The following FAM135A variants were observed in gnomAD, a reference collection of about 807,000 sequenced individuals.
FAM135A encodes protein FAM135A.
A neutral mutation model predicts 146.8 loss-of-function variants in FAM135A; 79 were observed. The ratio of observed to expected loss-of-function variants is 0.54; its 90% CI spans 0.45 to 0.65. The LOEUF (loss-of-function observed/expected upper bound fraction) is 0.65. Among genes scored for constraint, FAM135A ranks in the 30% least tolerant of loss-of-function variants. FAM135A has a pLI of 0.00. For synonymous variants in FAM135A, 562 were observed against 603.6 expected, an observed-to-expected ratio of 0.93 and a Z score of 1.01; for missense variants, 1,623 against 1,758.2, an observed-to-expected ratio of 0.92 and a Z score of 1.38.
chr6:70,415,145 C>T (rs941502993), intron 1 of FAM135A, 146 bp from the exon 2 acceptor site: 2 of 152,068 alleles, frequency 1.3e-5, no homozygotes, highest in African/African-American at 4.8e-5. Flanking sequence ...ACTTTCTAAA[C>T]GGTTTTGTAA....
chr6:70,451,837 A>G (rs1204535062), intron 4 of FAM135A, among the ~76,000 whole-genome samples: 1 of 152,098 alleles, frequency 6.6e-6, no homozygotes, highest in African/African-American at 2.4e-5. Flanking sequence ...AGGTGTATGT[A>G]TCCTCCATTA....
chr6:70,453,335 T>C (rs1045567777), intron 5 of FAM135A, among the ~76,000 whole-genome samples: 6 of 152,170 alleles, frequency 3.9e-5, no homozygotes, highest in Non-Finnish European at 7.4e-5. Context: ...AAAAACTTGT[T>C]GGGTATTTGA....
chr6:70,463,303 G>A (rs1779771859), intron 5 of FAM135A, among the ~76,000 whole-genome samples: 1 of 151,764 alleles, frequency 6.6e-6, no homozygotes, highest in South Asian at 2.1e-4. Flanking sequence ...AGGCTGGAGT[G>A]CAGTGGTGTG....
At position 70,526,423 on chromosome 6, in the gene FAM135A, T is replaced by C. The variant is rs958432580; in HGVS notation, c.3339T>C (p.Asn1113=). 4 of 1,613,548 alleles carry C rather than the reference T, an allele frequency of 2.5e-6. No homozygotes were observed. Among genetic ancestry groups the C allele is most frequent in the East Asian group, 2.2e-5 (1 of 44,846 alleles). The change falls in exon 15 of 22, where the codon AAT becomes AAC. Residue 1113 remains asparagine (N), a synonymous_variant. Coordinates refer to ENST00000418814, the MANE Select transcript of FAM135A (RefSeq NM_001162529.3). Reference sequence around the variant, plus strand: ...ATTCAGCTTTGGATGGAACAATAAATGCTCACTATACAAGCAGAGATGAAC... The same window carrying C: ...ATTCAGCTTTGGATGGAACAATAAACGCTCACTATACAAGCAGAGATGAAC... ...TDYSALDGTI[N]AHYTSRDELM...
At chr6:70,460,788 GATCTATCT>G (rs150338603) in intron 5 of FAM135A, among the ~76,000 whole-genome samples, 2 of 150,622 alleles carry the variant, frequency 1.3e-5, no homozygotes, top group African/African-American at 2.4e-5. Flanking sequence ...TTTATCTATC[GATCTATCT>G]ATCTATCTAT....
At chr6:70,528,197 GT>G in intron 15 of FAM135A, 94 bp from the exon 16 acceptor site, 2 of 1,203,986 alleles carry the variant, frequency 1.7e-6, no homozygotes, top group Non-Finnish European at 2.3e-6. Flanking sequence ...ACCAAATATT[GT>G]TGGGTTTCCA....
intron 10 of FAM135A, 130 bp from the exon 11 acceptor site, chr6:70,490,904 G>A (rs1390494914): frequency 8.0e-6 from 4 of 497,348 alleles, no homozygotes; most frequent in Non-Finnish European, 1.3e-5. Flanking sequence ...ATGAAAATAT[G>A]TTACCTTGAA....
chr6:70,559,880 G>A lies in FAM135A; in HGVS notation c.4507G>A (p.Glu1503Lys). 1 of 1,613,910 alleles carries A rather than the reference G, an allele frequency of 6.2e-7. No individual in the cohort carries two copies. Among genetic ancestry groups the A allele is most frequent in the Non-Finnish European group, 8.5e-7 (1 of 1,179,944 alleles). ...TGTTCTTGATTCGGAAATATTTTTA[G>A]AGAAATTCTTTCTGGTTGCTGCCCT... Reference protein sequence around the residue: ...IAVLDSEIFLEKFFLVAALKY... With the variant: ...IAVLDSEIFLKKFFLVAALKY... Residue 1503 changes from glutamate (E) to lysine (K), a missense_variant, in exon 22 of 22, where the codon GAG becomes AAG. This residue lies in a region of FAM135A where 138 missense variants were observed against 174.1 expected (regional missense o/e 0.79). Transcript: ENST00000418814.
chr6:70,519,626 C>G (rs1244169365), intron 12 of FAM135A, among the ~76,000 whole-genome samples: 1 of 152,222 alleles, frequency 6.6e-6, no homozygotes, highest in African/African-American at 2.4e-5. Context: ...CAAGACCTTC[C>G]AGCAGCAAAA....
intron 4 of FAM135A, among the ~76,000 whole-genome samples, chr6:70,451,847 A>T (rs182763692): frequency 8.5e-5 from 13 of 152,090 alleles, no homozygotes; most frequent in African/African-American, 3.1e-4. Context: ...ATCCTCCATT[A>T]CATACACAAA....
intron 19 of FAM135A, among the ~76,000 whole-genome samples, 190 bp downstream of exon 19, chr6:70,536,601 T>C (rs1053747604): frequency 6.6e-6 from 1 of 152,160 alleles, no homozygotes; most frequent in African/African-American, 2.4e-5. Context: ...AGAAAATGGC[T>C]TTTCTTATAT....
At chr6:70,559,651 G>T in intron 21 of FAM135A, 65 bp from the exon 22 acceptor site, 1 of 1,303,282 alleles carries the variant, frequency 7.7e-7, no homozygotes, top group East Asian at 2.5e-5. Flanking sequence ...CTAAAAATTG[G>T]CATAGTTTTT....
Position 70,522,698 on chromosome 6 carries a change from G to T in FAM135A, c.1103+112G>T, listed in dbSNP as rs1253006221. 4 of 795,900 alleles carry T rather than the reference G, an allele frequency of 5.0e-6. No homozygotes were observed. The East Asian group carries it at 1.1e-4, about 22-fold the overall frequency. The allele number at this position is 795,900 out of a possible 1,614,324, so 49.3% of individuals were successfully genotyped here. On this transcript the variant is annotated intron_variant, in intron 13 of 21. Coordinates refer to ENST00000418814, the MANE Select transcript of FAM135A (RefSeq NM_001162529.3). The stretch of plus-strand genomic sequence containing the variant: ...CAGTATTAACAATATAAGAAATTAG[G>T]AGAATTTGAATTTCAGAAATCCCAT...
At chr6:70,439,089 G>T (rs970757928) in intron 4 of FAM135A, among the ~76,000 whole-genome samples, 3 of 152,132 alleles carry the variant, frequency 2.0e-5, no homozygotes, top group African/African-American at 4.8e-5. Context: ...TGGGAGAGTC[G>T]CTTGAGTCCA....
chr6:70,465,206 A>G (rs900645396), intron 5 of FAM135A, among the ~76,000 whole-genome samples: 1 of 151,778 alleles, frequency 6.6e-6, no homozygotes, highest in African/African-American at 2.4e-5. Context: ...CTATGACAGG[A>G]TTTTCTTTTC....
chr6:70,464,546 G>T (rs989956078), intron 5 of FAM135A, among the ~76,000 whole-genome samples: 6 of 151,840 alleles, frequency 4.0e-5, no homozygotes, highest in African/African-American at 1.5e-4. Context: ...TACACGTTTA[G>T]GTCTTTTGTT....
At chr6:70,536,014 TAA>T (rs1796725277) in intron 18 of FAM135A, 1 of 333,424 alleles carries the variant, frequency 3.0e-6, no homozygotes, top group African/African-American at 2.1e-5. Context: ...AAACTATGAG[TAA>T]AAGTTTTCAG....
chr6:70,418,348 TG>T, intron 2 of FAM135A: 1 of 152,360 alleles, frequency 6.6e-6, no homozygotes, highest in Middle Eastern at 3.4e-3. Context: ...ATTTATTTAT[TG>T]AGCCAGAGTC....
chr6:70,443,338 A>G (rs1200379780), intron 4 of FAM135A, among the ~76,000 whole-genome samples: 2 of 152,258 alleles, frequency 1.3e-5, no homozygotes, highest in African/African-American at 2.4e-5. Context: ...CTCCTAGTGC[A>G]ATACATTACT....
Sources: allele counts gnomAD v4.1 joint callset (sites outside exome capture counted in the v4.1 genomes callset), GRCh38; gene constraint gnomAD v4.1.1; regional missense constraint gnomAD v4.1.1; transcripts MANE v1.5; gene names NCBI Gene and HGNC (gene_info 2026-07-23, HGNC 2026-07-21).